The following TM9SF2 variants were observed in gnomAD, a reference collection of about 807,000 sequenced individuals.
TM9SF2 encodes the protein transmembrane 9 superfamily member 2.
A neutral mutation model predicts 84.9 loss-of-function variants in TM9SF2; 13 were observed. The observed-to-expected ratio is 0.15, with a 90% CI of 0.10 to 0.24. The LOEUF (loss-of-function observed/expected upper bound fraction) is 0.24. Among genes scored for constraint, TM9SF2 ranks in the 10% least tolerant of loss-of-function variants. TM9SF2 has a pLI of 1.00. For missense variants in TM9SF2, 562 were observed against 818.5 expected (o/e 0.69, Z 3.82); for synonymous variants, 273 against 285.8 (o/e 0.96, Z 0.45).
chr13:99,537,662 A>T, intron 5 of TM9SF2, 77 bp from the exon 6 acceptor site: 1 of 1,164,192 alleles, frequency 8.6e-7, no homozygotes, highest in Non-Finnish European at 1.2e-6. Context: ...TACTTGTTGT[A>T]GCCCATTTTA....
At position 99,562,698 on chromosome 13, in the gene TM9SF2, T is replaced by A; in HGVS notation, c.1932T>A (p.Ile644=). The stretch of plus-strand genomic sequence containing the variant: ...TTATTTTTTCTCTTATAGGAACAAT[T>A]GGCTTCTTTGCATGCTTTTGGTTTG... The part of the protein sequence containing the change: ...VLIFFLFTGT[I]GFFACFWFVT... The change falls in exon 17 of 17, where the codon ATT becomes ATA. Residue 644 remains isoleucine (I), a synonymous_variant. Transcript: ENST00000376387. 4 of 1,613,266 alleles carry A rather than the reference T, an allele frequency of 2.5e-6. No individual in the cohort carries two copies. Among genetic ancestry groups the A allele is most frequent in the Non-Finnish European group, 3.4e-6 (4 of 1,179,768 alleles).
intron 15 of TM9SF2, 55 bp from the exon 16 acceptor site, chr13:99,559,308 A>T: frequency 6.9e-7 from 1 of 1,456,712 alleles, no homozygotes; most frequent in Non-Finnish European, 9.2e-7. Context: ...TTAGTAAGCT[A>T]CATCTTATCT....
chr13:99,517,763 A>G (rs1440934994), intron 2 of TM9SF2, 82 bp downstream of exon 2: 4 of 869,832 alleles, frequency 4.6e-6, no homozygotes, highest in Non-Finnish European at 6.9e-6. Flanking sequence ...GTTTTCTCAC[A>G]GTTATGGACA....
chr13:99,556,820 T>C (rs2046326802), intron 15 of TM9SF2, among the ~76,000 whole-genome samples: 1 of 152,138 alleles, frequency 6.6e-6, no homozygotes, highest in South Asian at 2.1e-4. Flanking sequence ...TCTCCTGACC[T>C]CGTGATCCGC....
At chr13:99,521,871 C>G (rs1470084243) in intron 3 of TM9SF2, among the ~76,000 whole-genome samples, 4 of 151,978 alleles carry the variant, frequency 2.6e-5, no homozygotes, top group Admixed American at 6.6e-5. Flanking sequence ...CACATCCAGC[C>G]AATTTTTAAA....
At chr13:99,556,185 T>G (rs1249027303) in intron 15 of TM9SF2, among the ~76,000 whole-genome samples, 2 of 152,218 alleles carry the variant, frequency 1.3e-5, no homozygotes, top group African/African-American at 4.8e-5. Flanking sequence ...TAATATTGTC[T>G]ATATTGGAGA....
chr13:99,554,467 A>G lies in TM9SF2; in HGVS notation c.1640+12A>G, dbSNP rs558716285. The G allele has an allele frequency of 1.2e-6, 2 of 1,612,464 alleles. No individual in the cohort carries two copies. The highest frequency in any genetic ancestry group is 4.5e-5 in the East Asian group (2 of 44,844). On this transcript the variant is annotated intron_variant, in intron 14 of 16. Coordinates refer to ENST00000376387, the MANE Select transcript of TM9SF2 (RefSeq NM_004800.3). ...CTGAATAGTATTTGGTAAGCTAAGG[A>G]TAAAGTCCTCTCATTCTCATTACCA...
Position 99,559,542 on chromosome 13 carries a change from T to A in TM9SF2, c.1924+8T>A, listed in dbSNP as rs2046336365. Reference sequence around the variant, plus strand: ...TCTTCTTTCTTTTTACAGGTAAAATTATAATTTAAGTGATTATTTTTATTT... The same window carrying A: ...TCTTCTTTCTTTTTACAGGTAAAATAATAATTTAAGTGATTATTTTTATTT... On this transcript the variant is annotated splice_region_variant and intron_variant, in intron 16 of 16. Coordinates refer to ENST00000376387, the MANE Select transcript of TM9SF2 (RefSeq NM_004800.3). 6.3e-7 allele frequency: 1 copy of A among 1,576,884 alleles called. No homozygotes were observed. Among genetic ancestry groups the A allele is most frequent in the Non-Finnish European group, 8.6e-7 (1 of 1,164,488 alleles).
chr13:99,539,084 C>G (rs968450447), intron 6 of TM9SF2, among the ~76,000 whole-genome samples: 2 of 151,248 alleles, frequency 1.3e-5, no homozygotes, highest in Admixed American at 1.3e-4. Context: ...GTGGCACACA[C>G]CTGTAGTCCC....
At chr13:99,562,011 C>G (rs1426382797) in intron 16 of TM9SF2, among the ~76,000 whole-genome samples, 1 of 152,160 alleles carries the variant, frequency 6.6e-6, no homozygotes, top group Non-Finnish European at 1.5e-5. Context: ...CTCATTTACT[C>G]TACATAATAG....
chr13:99,538,855 C>T (rs2046245728), intron 6 of TM9SF2, among the ~76,000 whole-genome samples: 1 of 152,006 alleles, frequency 6.6e-6, no homozygotes, highest in Non-Finnish European at 1.5e-5. Context: ...GCCAAGATCA[C>T]ACTACTGCAC....
In TM9SF2 at chr13:99,520,067, C is replaced by G; in HGVS notation, c.271C>G (p.Arg91Gly). 1.2e-6 allele frequency: 2 copies of G among 1,613,826 alleles called. No homozygotes were observed. Among genetic ancestry groups the G allele is most frequent in the Non-Finnish European group, 1.7e-6 (2 of 1,179,890 alleles). ...TTTTTGCCAAGCATCAGAAGGAAAG[C>G]GCCCATCTGAAAATCTTGGTCAGGT... ...FDFCQASEGK[R>G]PSENLGQVLF... Residue 91 changes from arginine (R) to glycine (G), a missense_variant, in exon 3 of 17, where the codon CGC (arginine) becomes GGC (glycine). Arg to Gly is a moderately radical substitution (Grantham distance 125). Around this residue, in one of 4 missense-constraint regions of TM9SF2, gnomAD observed 267 missense variants for 316.7 expected, o/e 0.84. Transcript: ENST00000376387.
intron 12 of TM9SF2, 95 bp from the exon 13 acceptor site, chr13:99,552,072 A>G: frequency 1.7e-6 from 2 of 1,196,886 alleles, no homozygotes; most frequent in South Asian, 1.6e-5. Context: ...CTTTGTATAT[A>G]TATATTAGAA....
At chr13:99,538,035 A>G (rs562318423) in intron 6 of TM9SF2, among the ~76,000 whole-genome samples, 172 bp downstream of exon 6, 2 of 152,200 alleles carry the variant, frequency 1.3e-5, no homozygotes. Flanking sequence ...AACCATACCA[A>G]TAGTTATTTT....
chr13:99,506,197 A>G (rs1203709432), intron 1 of TM9SF2, among the ~76,000 whole-genome samples: 1 of 152,216 alleles, frequency 6.6e-6, no homozygotes, highest in Non-Finnish European at 1.5e-5. Flanking sequence ...AATAGTCCTG[A>G]ATGTTGATCT....
chr13:99,524,220 G>A (rs1195397818), intron 3 of TM9SF2, among the ~76,000 whole-genome samples: 1 of 152,156 alleles, frequency 6.6e-6, no homozygotes, highest in African/African-American at 2.4e-5. Flanking sequence ...ATGGACCGTG[G>A]GGGTGCGAGG....
intron 11 of TM9SF2, 80 bp from the exon 12 acceptor site, chr13:99,549,085 A>G (rs1480477752): frequency 4.0e-6 from 5 of 1,263,792 alleles, no homozygotes; most frequent in Admixed American, 1.9e-5. Context: ...ACAGTTTGGC[A>G]AATATCAGAC....
chr13:99,549,119 C>A, intron 11 of TM9SF2, 46 bp from the exon 12 acceptor site: 1 of 1,556,424 alleles, frequency 6.4e-7, no homozygotes. Context: ...ATTTGGTTTG[C>A]TTTAAAGAAA....
chr13:99,526,155 G>T (rs1156911581), intron 3 of TM9SF2, among the ~76,000 whole-genome samples: 1 of 152,206 alleles, frequency 6.6e-6, no homozygotes, highest in Non-Finnish European at 1.5e-5. Flanking sequence ...GAGGAGGGAG[G>T]CAGCAGCCAA....
Sources: allele counts gnomAD v4.1 joint callset (sites outside exome capture counted in the v4.1 genomes callset), GRCh38; gene constraint gnomAD v4.1.1; regional missense constraint gnomAD v4.1.1; transcripts MANE v1.5; gene names NCBI Gene and HGNC (gene_info 2026-07-23, HGNC 2026-07-21).